The following CD44 variants were observed in gnomAD, a reference collection of about 807,000 sequenced individuals.
CD44 encodes CD44 antigen.
Under a neutral mutation model 88.8 loss-of-function variants are expected in CD44, and 49 were observed. That is an observed-to-expected ratio of 0.55 (90% CI 0.44 to 0.70). The LOEUF is 0.70. Among genes scored for constraint, CD44 ranks in the 30% least tolerant of loss-of-function variants. CD44 has a pLI of 0.00. For missense variants in CD44, 883 were observed against 913.8 expected (o/e 0.97, Z 0.43); for synonymous variants, 325 against 312.3 (o/e 1.04, Z -0.43).
chr11:35,216,248 G>A (rs1278884652), intron 15 of CD44, among the ~76,000 whole-genome samples: 1 of 152,076 alleles, frequency 6.6e-6, no homozygotes, highest in East Asian at 1.9e-4. Context: ...AGTCTGACAT[G>A]AGGTAGGTTT....
Position 35,204,671 on chromosome 11 carries a change from T to A in CD44, c.1282+31T>A, listed in dbSNP as rs749961632. The A allele has an allele frequency of 4.4e-6, 7 of 1,605,742 alleles. No individual in the cohort carries two copies. In the South Asian group the frequency reaches 5.5e-5, roughly 13 times the overall value. ...GGATGGTTTAACAAGTAAATTTGGATGGAAACTTCCTTTTGGGTTAAACGG... is the reference window on the plus strand; with the variant it reads ...GGATGGTTTAACAAGTAAATTTGGAAGGAAACTTCCTTTTGGGTTAAACGG... On this transcript the variant is annotated intron_variant, in intron 10 of 17. Coordinates refer to ENST00000428726, the MANE Select transcript of CD44 (RefSeq NM_000610.4).
intron 1 of CD44, among the ~76,000 whole-genome samples, chr11:35,156,589 T>A (rs997208586): frequency 3.3e-5 from 5 of 152,196 alleles, no homozygotes; most frequent in African/African-American, 7.2e-5. Context: ...TCCTAATCCA[T>A]CCTTCAGTTC....
At chr11:35,186,534 T>C (rs932921457) in intron 3 of CD44, among the ~76,000 whole-genome samples, 3 of 152,184 alleles carry the variant, frequency 2.0e-5, no homozygotes, top group African/African-American at 7.2e-5. Flanking sequence ...TTATTTAAAA[T>C]TGTACCCCCA....
chr11:35,194,129 T>C (rs1453291837), intron 5 of CD44, among the ~76,000 whole-genome samples: 1 of 152,092 alleles, frequency 6.6e-6, no homozygotes, highest in African/African-American at 2.4e-5. Flanking sequence ...AAATAGAAAA[T>C]CTCTTTCCTT....
At chr11:35,162,887 C>G (rs77567822) in intron 1 of CD44, among the ~76,000 whole-genome samples, 1 of 152,054 alleles carries the variant, frequency 6.6e-6, no homozygotes, top group East Asian at 1.9e-4. Flanking sequence ...GAAACACACA[C>G]ATACATGCAC....
chr11:35,179,126 A>G (rs148069048), intron 2 of CD44, among the ~76,000 whole-genome samples: 39 of 152,368 alleles, frequency 2.6e-4, no homozygotes, highest in African/African-American at 8.9e-4. Flanking sequence ...TACAATTGCC[A>G]CATAGGTAGG....
chr11:35,202,802 G>A (rs74971343), intron 9 of CD44, among the ~76,000 whole-genome samples: 318 of 152,242 alleles, frequency 2.1e-3, no homozygotes, highest in African/African-American at 7.1e-3. Flanking sequence ...GTATACATAC[G>A]GCTTAGGGGT....
chr11:35,151,350 C>T (rs1860287057), intron 1 of CD44, among the ~76,000 whole-genome samples: 1 of 152,234 alleles, frequency 6.6e-6, no homozygotes, highest in South Asian at 2.1e-4. Context: ...CTCAGAAGTT[C>T]TCATGAATCA....
intron 16 of CD44, among the ~76,000 whole-genome samples, chr11:35,219,762 A>G (rs1053607255): frequency 3.3e-5 from 5 of 152,314 alleles, no homozygotes; most frequent in Admixed American, 6.5e-5. Context: ...CTGGGGTCCA[A>G]GGTGAAGCAT....
rs1378601670 is a variant in CD44, at chr11:35,229,878, T to A, written c.*545T>A. On this transcript the variant is annotated 3_prime_UTR_variant, in exon 18 of 18. Transcript: ENST00000428726. Reference sequence around the variant, plus strand: ...GGAGACACCCAAAGGGTGAAGCTATTTATCTGTAGTAAACTATTTATCTGT... The same window carrying A: ...GGAGACACCCAAAGGGTGAAGCTATATATCTGTAGTAAACTATTTATCTGT... 6.4e-6 allele frequency: 1 copy of A among 155,584 alleles called. No individual in the cohort carries two copies. Among genetic ancestry groups the A allele is most frequent in the Admixed American group, 6.3e-5 (1 of 15,956 alleles). The allele number at this position is 155,584 out of a possible 1,614,324, so 9.6% of individuals were successfully genotyped here. A position where few individuals can be genotyped will look rare whatever the true frequency, so the allele number is the denominator to read the frequency against.
At chr11:35,153,378 TG>T (rs1941437732) in intron 1 of CD44, among the ~76,000 whole-genome samples, 1 of 152,200 alleles carries the variant, frequency 6.6e-6, no homozygotes, top group South Asian at 2.1e-4. Flanking sequence ...TGGTTCCCTG[TG>T]CACAGTCTTG....
chr11:35,175,306 A>G (rs1944337131), intron 1 of CD44, among the ~76,000 whole-genome samples: 1 of 152,146 alleles, frequency 6.6e-6, no homozygotes, highest in Admixed American at 6.5e-5. Context: ...ATGAACATAA[A>G]CTCTTGGAGG....
At chr11:35,206,031 CT>C in intron 10 of CD44, 80 bp from the exon 11 acceptor site, 1 of 1,456,186 alleles carries the variant, frequency 6.9e-7, no homozygotes, top group Non-Finnish European at 9.1e-7. Flanking sequence ...AGAATAAAGT[CT>C]TTTTTAAAAA....
intron 11 of CD44, 93 bp from the exon 12 acceptor site, chr11:35,208,012 G>GGCCAGAATATCT: frequency 2.7e-6 from 2 of 746,644 alleles, no homozygotes; most frequent in Non-Finnish European, 4.9e-6. Context: ...TTGGCCAGAT[G>GGCCAGAATATCT]TGAATATTTA....
intron 1 of CD44, among the ~76,000 whole-genome samples, chr11:35,166,006 G>T (rs989769992): frequency 6.6e-6 from 1 of 152,040 alleles, no homozygotes; most frequent in South Asian, 2.1e-4. Flanking sequence ...TATTGATTAG[G>T]TGATGTATCA....
At chr11:35,166,445 G>A (rs1943276528) in intron 1 of CD44, among the ~76,000 whole-genome samples, 1 of 151,888 alleles carries the variant, frequency 6.6e-6, no homozygotes, top group Non-Finnish European at 1.5e-5. Flanking sequence ...CATCCCATTA[G>A]GAGACAGGGA....
At chr11:35,196,909 T>C in intron 6 of CD44, 35 bp downstream of exon 6, 1 of 1,602,448 alleles carries the variant, frequency 6.2e-7, no homozygotes, top group Non-Finnish European at 8.5e-7. Flanking sequence ...GCGTATGTTT[T>C]CTTGACAGCC....
intron 12 of CD44, among the ~76,000 whole-genome samples, chr11:35,209,029 G>T (rs1174426790): frequency 6.6e-6 from 1 of 152,172 alleles, no homozygotes; most frequent in Non-Finnish European, 1.5e-5. Context: ...CCTATGAATG[G>T]TCCTTGCCAA....
chr11:35,199,364 A>G (rs1947072206), intron 7 of CD44, among the ~76,000 whole-genome samples: 2 of 152,204 alleles, frequency 1.3e-5, no homozygotes, highest in African/African-American at 4.8e-5. Context: ...TTCCACACAT[A>G]CCTGTAATGA....
Sources: gnomAD v4.1 joint callset for allele counts (sites outside exome capture counted in the v4.1 genomes callset) on GRCh38, gnomAD v4.1.1 for gene constraint, MANE v1.5 for transcripts, NCBI Gene and HGNC (gene_info 2026-07-23, HGNC 2026-07-21) for gene names.